The following VPS26A variants were observed in gnomAD, a reference collection of about 807,000 sequenced individuals.
VPS26A encodes the protein VPS26 retromer complex component A, also known as vacuolar protein sorting-associated protein 26A.
In VPS26A, 22 loss-of-function variants were observed where a neutral mutation model predicts 42.4. The observed-to-expected ratio is 0.52, with a 90% confidence interval of 0.37 to 0.74. The LOEUF (loss-of-function observed/expected upper bound fraction) is 0.74. Among genes scored for constraint, VPS26A ranks in the 30% least tolerant of loss-of-function variants. The pLI is 0.00. For missense variants in VPS26A, 276 were observed against 379.2 expected, an observed-to-expected ratio of 0.73 and a Z score of 2.26; for synonymous variants, 110 against 123.5, an observed-to-expected ratio of 0.89 and a Z score of 0.73.
At chr10:69,148,483 A>AAATCC (rs1841213450) in intron 2 of VPS26A, among the ~76,000 whole-genome samples, 1 of 152,214 alleles carries the variant, frequency 6.6e-6, no homozygotes, top group Non-Finnish European at 1.5e-5. Context: ...CAGCAGTTGC[A>AAATCC]AACTAATCTT....
At chr10:69,151,279 A>AAAAAAAAAAAAAAAAAAAC (rs1841306968) in intron 2 of VPS26A, among the ~76,000 whole-genome samples, 1 of 106,254 alleles carries the variant, frequency 9.4e-6, no homozygotes, top group African/African-American at 2.9e-5. Flanking sequence ...AAAAAAAAAA[A>AAAAAAAAAAAAAAAAAAAC]AAAACACACA....
intron 2 of VPS26A, among the ~76,000 whole-genome samples, chr10:69,138,282 T>C (rs1840965425): frequency 6.6e-6 from 1 of 152,210 alleles, no homozygotes; most frequent in Non-Finnish European, 1.5e-5. Flanking sequence ...TGGTGGGTAT[T>C]TGGGATGTTT....
At chr10:69,132,444 T>TTC (rs879859883) in intron 1 of VPS26A, among the ~76,000 whole-genome samples, 1 of 139,156 alleles carries the variant, frequency 7.2e-6, no homozygotes, top group Non-Finnish European at 1.6e-5. Context: ...TTTTTTTTTT[T>TTC]CTTTCTTTCT....
intron 1 of VPS26A, among the ~76,000 whole-genome samples, chr10:69,127,201 C>A (rs2132179531): frequency 6.7e-6 from 1 of 148,442 alleles, no homozygotes; most frequent in African/African-American, 2.5e-5. Flanking sequence ...CCGCCTTGTC[C>A]TCCCAAAGTG....
intron 1 of VPS26A, 21 bp from the exon 2 acceptor site, chr10:69,132,877 A>G (rs1292994530): frequency 1.3e-6 from 2 of 1,572,106 alleles, no homozygotes; most frequent in African/African-American, 2.8e-5. Context: ...GATAATTATG[A>G]CCATTTTCAT....
At chr10:69,159,128 A>G (rs976039272) in intron 5 of VPS26A, among the ~76,000 whole-genome samples, 1 of 152,182 alleles carries the variant, frequency 6.6e-6, no homozygotes, top group East Asian at 1.9e-4. Flanking sequence ...TAATCCCAGC[A>G]CTTTGGGAGG....
chr10:69,157,062 A>G lies in VPS26A; in HGVS notation c.285A>G (p.Leu95=). ...AATTTGTAAACCTAGTGAAAGAACT[A>G]GCCTTACCTGGAGAACTGACTCAGA... ...THEFVNLVKE[L]ALPGELTQSR... is the part of the protein sequence containing the mutation. Residue 95 remains leucine, a synonymous_variant, in exon 4 of 9, where the codon CTA becomes CTG. Coordinates refer to ENST00000263559, the MANE Select transcript of VPS26A (RefSeq NM_004896.5). The G allele has an allele frequency of 1.2e-6, 2 of 1,613,598 alleles. No homozygotes were observed. The highest frequency in any genetic ancestry group is 1.1e-5 in the South Asian group (1 of 91,052).
chr10:69,151,284 C>CAAAAAAACAAAAAA (rs1162179375), intron 2 of VPS26A, among the ~76,000 whole-genome samples: 1 of 111,870 alleles, frequency 8.9e-6, no homozygotes, highest in Non-Finnish European at 1.7e-5. Flanking sequence ...AAAAAAAAAA[C>CAAAAAAACAAAAAA]ACACACACAC....
Position 69,158,203 on chromosome 10 carries a change from T to C in VPS26A, c.543T>C (p.Asn181=), listed in dbSNP as rs780670023. 6.3e-7 allele frequency: 1 copy of C among 1,585,924 alleles called. No individual in the cohort carries two copies. The highest frequency in any genetic ancestry group is 1.2e-5 in the South Asian group (1 of 85,670). The change falls in exon 5 of 9, where the codon AAT becomes AAC. Residue 181 remains asparagine, a synonymous_variant. Coordinates refer to ENST00000263559, the MANE Select transcript of VPS26A (RefSeq NM_004896.5). ...EDCLHIEFEY[N]KSKYHLKDVI... ...GTCTACATATAGAATTTGAATATAA[T>C]AAATCAAAGTAAGTATCATTCACAG...
At position 69,149,734 on chromosome 10, in the gene VPS26A, G is replaced by GTT. The variant is rs869048277; in HGVS notation, c.154-6049_154-6048dup. Among the ~76,000 whole-genome samples the GTT allele has an allele frequency of 9.2e-3, 198 of 21,410 alleles. 11 individuals carry two copies. Among genetic ancestry groups the GTT allele is most frequent in the African/African-American group, 0.016 (174 of 11,000 alleles). The allele number at this position is 21,410 out of a possible 152,430, so 14.0% of individuals were successfully genotyped here. ...AATGTTAACTTTCTTGGTGTTTTTTGTTTTTTTTTTTTTTTTTTTTTTTTT... is the reference window on the plus strand; with the variant it reads ...AATGTTAACTTTCTTGGTGTTTTTTGTTTTTTTTTTTTTTTTTTTTTTTTTTT... On this transcript the variant is annotated intron_variant, in intron 2 of 8. Coordinates refer to ENST00000263559, the MANE Select transcript of VPS26A (RefSeq NM_004896.5).
chr10:69,126,265 C>G (rs1470189933), intron 1 of VPS26A, among the ~76,000 whole-genome samples: 1 of 151,988 alleles, frequency 6.6e-6, no homozygotes, highest in Non-Finnish European at 1.5e-5. Context: ...AGTTTGAGAC[C>G]AGCCTGGCCA....
At chr10:69,140,236 TA>T (rs1202972247) in intron 2 of VPS26A, among the ~76,000 whole-genome samples, 1 of 152,040 alleles carries the variant, frequency 6.6e-6, no homozygotes, top group Non-Finnish European at 1.5e-5. Flanking sequence ...CCTAGCTAAT[TA>T]AAAAATATAT....
At chr10:69,124,451 C>A (rs2132174824) in intron 1 of VPS26A, among the ~76,000 whole-genome samples, 171 bp downstream of exon 1, 1 of 152,160 alleles carries the variant, frequency 6.6e-6, no homozygotes, top group East Asian at 1.9e-4. Context: ...GGCGGCGCCA[C>A]CTCTTCCCGG....
chr10:69,136,072 T>C (rs966166559), intron 2 of VPS26A, among the ~76,000 whole-genome samples: 5 of 152,156 alleles, frequency 3.3e-5, no homozygotes, highest in African/African-American at 9.7e-5. Flanking sequence ...TGAAGAACAC[T>C]TGGTCATTTG....
intron 2 of VPS26A, among the ~76,000 whole-genome samples, chr10:69,135,549 A>C (rs777668567): frequency 2.0e-5 from 3 of 152,182 alleles, no homozygotes; most frequent in Non-Finnish European, 4.4e-5. Context: ...TCAAGACCAG[A>C]TTGGGCAATG....
At chr10:69,151,133 C>T (rs7084697) in intron 2 of VPS26A, among the ~76,000 whole-genome samples, 108,528 of 151,246 alleles carry the variant, frequency 0.72, 42,692 homozygotes, top group Non-Finnish European at 0.89. Flanking sequence ...GGCATGGTGG[C>T]GGGCACTTGT....
intron 1 of VPS26A, among the ~76,000 whole-genome samples, chr10:69,125,948 C>G (rs984821973): frequency 6.6e-6 from 1 of 152,086 alleles, no homozygotes; most frequent in Non-Finnish European, 1.5e-5. Flanking sequence ...ATGAAAAATC[C>G]TAAATTAACC....
chr10:69,151,276 A>AC (rs761019625), intron 2 of VPS26A, among the ~76,000 whole-genome samples: 1,350 of 69,124 alleles, frequency 0.02, 43 homozygotes, highest in Non-Finnish European at 0.037. Context: ...AAAAAAAAAA[A>AC]AAAAAAACAC....
At chr10:69,140,707 G>A (rs1841021976) in intron 2 of VPS26A, among the ~76,000 whole-genome samples, 1 of 152,120 alleles carries the variant, frequency 6.6e-6, no homozygotes, top group South Asian at 2.1e-4. Flanking sequence ...TTGATGGTTT[G>A]GTTTAGGATA....
Sources: gnomAD v4.1 joint callset for allele counts (sites outside exome capture counted in the v4.1 genomes callset) on GRCh38, gnomAD v4.1.1 for gene constraint, MANE v1.5 for transcripts, NCBI Gene and HGNC (gene_info 2026-07-23, HGNC 2026-07-21) for gene names.